The following EYA2 variants were observed in gnomAD, a reference collection of about 807,000 sequenced individuals.
The protein encoded by EYA2 is protein phosphatase EYA2.
EYA2 carries 31 observed loss-of-function variants against 69.2 expected under a neutral mutation model. The ratio of observed to expected loss-of-function variants is 0.45; its 90% CI spans 0.34 to 0.60. The LOEUF (loss-of-function observed/expected upper bound fraction) is 0.60. EYA2 is among the 20% of genes least tolerant of loss of function. The probability of loss-of-function intolerance (pLI) is 0.02; values close to 1 mark genes in which losing one functional copy is unlikely to be tolerated. For missense variants in EYA2, 622 were observed against 701.2 expected (o/e 0.89, Z 1.28); for synonymous variants, 257 against 279.4 (o/e 0.92, Z 0.80).
intron 1 of EYA2, among the ~76,000 whole-genome samples, chr20:46,956,121 TG>T (rs1306002058): frequency 6.6e-6 from 1 of 152,250 alleles, no homozygotes; most frequent in Non-Finnish European, 1.5e-5. Flanking sequence ...TATTCAGGTT[TG>T]GTGTTTAGTT....
At chr20:47,009,121 C>A (rs1313340664) in intron 4 of EYA2, among the ~76,000 whole-genome samples, 1 of 152,202 alleles carries the variant, frequency 6.6e-6, no homozygotes, top group Non-Finnish European at 1.5e-5. Context: ...CCAGGGCCCA[C>A]CCCAAGAGAA....
intron 1 of EYA2, among the ~76,000 whole-genome samples, chr20:46,913,825 G>A (rs766981235): frequency 1.3e-5 from 2 of 152,182 alleles, no homozygotes; most frequent in Non-Finnish European, 2.9e-5. Flanking sequence ...TGGGAAAGGA[G>A]ATGGGAGCAC....
At chr20:46,914,306 G>T (rs1158533128) in intron 1 of EYA2, among the ~76,000 whole-genome samples, 1 of 152,146 alleles carries the variant, frequency 6.6e-6, no homozygotes. Context: ...ATTTTTCTGT[G>T]GACACAGGCT....
intron 1 of EYA2, among the ~76,000 whole-genome samples, chr20:46,909,435 G>A (rs1025731002): frequency 2.0e-5 from 3 of 152,060 alleles, no homozygotes; most frequent in Non-Finnish European, 2.9e-5. Context: ...AATCATCGTC[G>A]GCCTCCCCAG....
At chr20:47,147,165 C>T (rs908361289) in intron 10 of EYA2, among the ~76,000 whole-genome samples, 4 of 150,932 alleles carry the variant, frequency 2.7e-5, no homozygotes, top group African/African-American at 9.8e-5. Flanking sequence ...TCTCCTGCCT[C>T]AGCCTCCCAA....
chr20:47,068,162 C>T (rs780891279), intron 5 of EYA2, among the ~76,000 whole-genome samples: 4 of 152,240 alleles, frequency 2.6e-5, no homozygotes, highest in Non-Finnish European at 4.4e-5. Context: ...ATATACCTTC[C>T]TCTCAGGATC....
intron 5 of EYA2, among the ~76,000 whole-genome samples, chr20:47,053,387 C>G (rs148948428): frequency 6.6e-6 from 1 of 152,062 alleles, no homozygotes; most frequent in Non-Finnish European, 1.5e-5. Context: ...AACATTCGGC[C>G]GGGTGCAGCG....
chr20:46,917,914 A>G (rs1011457918), intron 1 of EYA2, among the ~76,000 whole-genome samples: 2 of 152,158 alleles, frequency 1.3e-5, no homozygotes, highest in Non-Finnish European at 1.5e-5. Flanking sequence ...TAAGACAAAC[A>G]TGAAGTTTGC....
chr20:47,087,366 A>C (rs1047904945), intron 7 of EYA2, among the ~76,000 whole-genome samples: 1 of 152,174 alleles, frequency 6.6e-6, no homozygotes, highest in Non-Finnish European at 1.5e-5. Flanking sequence ...TAAACCAAGC[A>C]ACTGTAAAGT....
chr20:46,921,420 A>C (rs1985173493), intron 1 of EYA2, among the ~76,000 whole-genome samples: 1 of 152,196 alleles, frequency 6.6e-6, no homozygotes. Context: ...GCTGGCATCC[A>C]TTCATCTCCT....
In EYA2 at chr20:47,172,850, A is replaced by G. The variant is rs755644771; in HGVS notation, c.1181A>G (p.Tyr394Cys). The change falls in exon 12 of 16, where the codon TAC becomes TGC. Residue 394 changes from tyrosine to cysteine, a missense_variant. Physicochemically the swap from Tyr to Cys is radical, Grantham distance 194. This residue lies in a region of EYA2 where 257 missense variants were observed against 351.5 expected (regional missense o/e 0.73). Coordinates refer to ENST00000327619, the MANE Select transcript of EYA2 (RefSeq NM_005244.5). Reference sequence around the variant, plus strand: ...CGGGTGAAGGAGATGTACAATACCTACAAGAACAACGTTGGTGGTGAGTAC... The same window carrying G: ...CGGGTGAAGGAGATGTACAATACCTGCAAGAACAACGTTGGTGGTGAGTAC... Reference protein sequence around the residue: ...YRRVKEMYNTYKNNVGGLIGT... With the variant: ...YRRVKEMYNTCKNNVGGLIGT... 6.2e-7 allele frequency: 1 copy of G among 1,612,500 alleles called. No homozygotes were observed. Among genetic ancestry groups the G allele is most frequent in the Non-Finnish European group, 8.5e-7 (1 of 1,179,258 alleles).
intron 2 of EYA2, chr20:46,997,466 A>G (rs185338724): frequency 4.6e-5 from 7 of 152,252 alleles, no homozygotes; most frequent in African/African-American, 1.7e-4. Flanking sequence ...AGAGTTTACA[A>G]TTCAGAAGGA....
chr20:46,946,575 A>C (rs1052298293), intron 1 of EYA2, among the ~76,000 whole-genome samples: 4 of 152,242 alleles, frequency 2.6e-5, no homozygotes, highest in African/African-American at 9.6e-5. Context: ...AAGGCCATAT[A>C]GGCCAGCGGT....
rs546325371 is a variant in EYA2 at position 46,941,368 on chromosome 20, C to T, written c.-11+46381C>T. On this transcript the variant is annotated intron_variant, in intron 1 of 15. Transcript: ENST00000327619. ...CGGAAGTAGAACGAAACTCCTAAGT[C>T]GATTCCCGGCTCTTCTGCTCCTCAG... 5.9e-5 allele frequency among the ~76,000 whole-genome samples: 9 copies of T among 152,358 alleles called. No homozygotes were observed. The South Asian group carries it at 6.2e-4, about 11-fold the overall frequency.
rs1422917341 is a variant in EYA2, at chr20:47,074,437, A to G, written c.661+102A>G. The G allele has an allele frequency of 5.5e-6, 7 of 1,273,924 alleles. No individual in the cohort carries two copies. The East Asian group carries it at 9.5e-5, about 17-fold the overall frequency. 78.9% of individuals were successfully genotyped at this position (1,273,924 alleles called of 1,614,324 possible). A position where few individuals can be genotyped will look rare whatever the true frequency, so the allele number is the denominator to read the frequency against. ...CCCAATTGTAACAAACAGGTTACCC[A>G]AGGGTCATTCATGGATGTGGCCTGA... On this transcript the variant is annotated intron_variant, in intron 7 of 15. Transcript: ENST00000327619.
chr20:46,967,243 C>G (rs1295979022), intron 1 of EYA2, among the ~76,000 whole-genome samples: 1 of 152,204 alleles, frequency 6.6e-6, no homozygotes, highest in Non-Finnish European at 1.5e-5. Flanking sequence ...CTCAAGTGAT[C>G]CGCCCACCTC....
In EYA2 at chr20:47,016,172, C is replaced by G. The variant is rs1239721416; in HGVS notation, c.299-9C>G. 1 of 1,605,240 alleles carries G rather than the reference C, an allele frequency of 6.2e-7. No individual in the cohort carries two copies. The highest frequency in any genetic ancestry group is 1.1e-5 in the South Asian group (1 of 90,894). ...CTTGGTCCTTTTTTTTCCCCCTCTT[C>G]CTTCAAAGGCATCAAGACAGAAGAC... On this transcript the variant is annotated splice_polypyrimidine_tract_variant and intron_variant, in intron 4 of 15. Transcript: ENST00000327619.
At chr20:47,047,024 A>T (rs2030074182) in intron 5 of EYA2, among the ~76,000 whole-genome samples, 1 of 152,220 alleles carries the variant, frequency 6.6e-6, no homozygotes, top group Admixed American at 6.5e-5. Context: ...AGATCAGATT[A>T]GGGCAACTTG....
intron 2 of EYA2, among the ~76,000 whole-genome samples, 175 bp from the exon 3 acceptor site, chr20:47,001,250 ACTC>A (rs1568715801): frequency 6.6e-6 from 1 of 151,880 alleles, no homozygotes; most frequent in East Asian, 1.9e-4. Flanking sequence ...AGGGCTCCGA[ACTC>A]CTCAAGAAGA....
Sources: allele counts gnomAD v4.1 joint callset (sites outside exome capture counted in the v4.1 genomes callset), GRCh38; gene constraint gnomAD v4.1.1; regional missense constraint gnomAD v4.1.1; transcripts MANE v1.5; gene names NCBI Gene and HGNC (gene_info 2026-07-23, HGNC 2026-07-21).